ADGRL3: variants seen among roughly 807,000 people sequenced by gnomAD.
ADGRL3 encodes calcium-independent alpha-latrotoxin receptor 3.
In ADGRL3, 62 loss-of-function variants were observed where a neutral mutation model predicts 153.5. The observed-to-expected ratio is 0.40, with a 90% CI of 0.33 to 0.50. ADGRL3 has a LOEUF of 0.50. Among genes scored for constraint, ADGRL3 ranks in the 20% least tolerant of loss-of-function variants. The probability of loss-of-function intolerance (pLI) is 0.47; values close to 1 mark genes in which losing one functional copy is unlikely to be tolerated. For missense variants in ADGRL3, 1,641 were observed against 1,859.4 expected, an observed-to-expected ratio of 0.88 and a Z score of 2.16; for synonymous variants, 710 against 672.5, an observed-to-expected ratio of 1.06 and a Z score of -0.86.
intron 8 of ADGRL3, among the ~76,000 whole-genome samples, chr4:61,781,331 CAAAAA>C (rs71281828): frequency 4.7e-5 from 3 of 64,434 alleles, no homozygotes; most frequent in Admixed American, 1.7e-4. Context: ...ATTCTGCCTC[CAAAAA>C]AAAAAAAAAA....
chr4:61,992,644 A>G (rs1206152481), intron 19 of ADGRL3, among the ~76,000 whole-genome samples: 3 of 152,190 alleles, frequency 2.0e-5, no homozygotes, highest in Non-Finnish European at 4.4e-5. Flanking sequence ...AGTACATTTT[A>G]CGTATTTTAT....
chr4:61,367,485 G>C (rs1218840231), intron 1 of ADGRL3, among the ~76,000 whole-genome samples: 1 of 151,182 alleles, frequency 6.6e-6, no homozygotes, highest in Non-Finnish European at 1.5e-5. Flanking sequence ...AGAATATGCG[G>C]TGTTTGGTTT....
intron 6 of ADGRL3, among the ~76,000 whole-genome samples, chr4:61,710,637 T>C (rs928383308): frequency 1.3e-5 from 2 of 152,192 alleles, no homozygotes; most frequent in African/African-American, 4.8e-5. Flanking sequence ...ACGCTAAACT[T>C]GAGTACATGT....
chr4:61,559,397 C>G (rs2098784344), intron 4 of ADGRL3, among the ~76,000 whole-genome samples: 1 of 151,984 alleles, frequency 6.6e-6, no homozygotes. Context: ...CTTTGCCAGT[C>G]TAAGCTGCTT....
intron 6 of ADGRL3, among the ~76,000 whole-genome samples, chr4:61,696,952 C>G (rs1168750396): frequency 6.6e-6 from 1 of 152,068 alleles, no homozygotes; most frequent in Non-Finnish European, 1.5e-5. Context: ...GCTAAGATTA[C>G]AGGTGTGAGC....
intron 2 of ADGRL3, among the ~76,000 whole-genome samples, chr4:61,436,655 G>T (rs964927370): frequency 6.6e-6 from 1 of 152,124 alleles, no homozygotes; most frequent in Non-Finnish European, 1.5e-5. Flanking sequence ...TTTAGGCAGT[G>T]AGAACATGTT....
chr4:61,575,917 G>A (rs2098875300), intron 4 of ADGRL3, among the ~76,000 whole-genome samples: 1 of 152,002 alleles, frequency 6.6e-6, no homozygotes, highest in African/African-American at 2.4e-5. Context: ...GAGGGAAAAT[G>A]TGTTTTATTA....
At chr4:61,331,437 T>C (rs546994333) in intron 1 of ADGRL3, among the ~76,000 whole-genome samples, 1 of 152,296 alleles carries the variant, frequency 6.6e-6, no homozygotes, top group Non-Finnish European at 1.5e-5. Flanking sequence ...TCAATAAAAT[T>C]TATTTAAAAG....
At chr4:61,725,212 A>G (rs1368034487) in intron 6 of ADGRL3, among the ~76,000 whole-genome samples, 1 of 152,180 alleles carries the variant, frequency 6.6e-6, no homozygotes, top group African/African-American at 2.4e-5. Context: ...TTTCAACTTG[A>G]CCTAAACAAA....
At chr4:62,000,792 T>C (rs965815913) in intron 21 of ADGRL3, among the ~76,000 whole-genome samples, 1 of 151,972 alleles carries the variant, frequency 6.6e-6, no homozygotes, top group African/African-American at 2.4e-5. Context: ...TATTTATTTT[T>C]TTTTCAAGAG....
chr4:61,592,410 A>T (rs17090513), intron 5 of ADGRL3, among the ~76,000 whole-genome samples: 8,457 of 152,240 alleles, frequency 0.056, 731 homozygotes, highest in African/African-American at 0.19. Flanking sequence ...CAGAAACAAT[A>T]CCTCATGTTA....
chr4:61,570,891 T>C lies in ADGRL3; in HGVS notation c.260-16336T>C, dbSNP rs191193208. On this transcript the variant is annotated intron_variant, in intron 4 of 26. Coordinates refer to ENST00000683033, the MANE Select transcript of ADGRL3 (RefSeq NM_001387552.1). ...GTAATTCTCATCATTTCTGAATAAA[T>C]GCATGTTTTCCTACTTCTGTGTTTA... 2.2e-4 allele frequency among the ~76,000 whole-genome samples: 33 copies of C among 152,300 alleles called. 1 individual carries two copies. Among genetic ancestry groups the C allele is most frequent in the African/African-American group, 7.9e-4 (33 of 41,576 alleles).
At position 61,934,946 on chromosome 4, in the gene ADGRL3, C is replaced by A. The variant is rs1326655943; in HGVS notation, c.2219C>A (p.Thr740Asn). ...CGTGCGGCCACCATGTTGCTTCATA[C>A]TGTGGAGGAAAGTGCTTTTGTGCTG... is the stretch of plus-strand genomic sequence containing the variant. ...QLRAATMLLH[T>N]VEESAFVLAD... Residue 740 changes from threonine (T) to asparagine (N), a missense_variant, in exon 14 of 27, where the codon ACT (threonine) becomes AAT (asparagine). Thr to Asn is a moderately conservative substitution (Grantham distance 65). Around this residue, in one of 5 missense-constraint regions of ADGRL3, gnomAD observed 734 missense variants for 797.0 expected, o/e 0.92. Coordinates refer to ENST00000683033, the MANE Select transcript of ADGRL3 (RefSeq NM_001387552.1). The A allele has an allele frequency of 6.2e-7, 1 of 1,613,836 alleles. No individual in the cohort carries two copies. Among genetic ancestry groups the A allele is most frequent in the South Asian group, 1.1e-5 (1 of 91,076 alleles).
chr4:61,219,397 G>A (rs921060875), intron 1 of ADGRL3, among the ~76,000 whole-genome samples: 1 of 152,146 alleles, frequency 6.6e-6, no homozygotes, highest in Non-Finnish European at 1.5e-5. Context: ...TAATATGTTT[G>A]TATTTTAAAT....
chr4:61,761,013 T>C (rs1478111302), intron 8 of ADGRL3, among the ~76,000 whole-genome samples: 1 of 152,200 alleles, frequency 6.6e-6, no homozygotes, highest in Non-Finnish European at 1.5e-5. Flanking sequence ...TCATAGGGAA[T>C]TGAAGCTGTC....
intron 5 of ADGRL3, among the ~76,000 whole-genome samples, chr4:61,629,129 T>C (rs1304605377): frequency 6.6e-6 from 1 of 152,152 alleles, no homozygotes; most frequent in Admixed American, 6.5e-5. Context: ...AGATGGAGAC[T>C]CTTTGGGAAC....
intron 11 of ADGRL3, among the ~76,000 whole-genome samples, chr4:61,897,370 C>T (rs781152444): frequency 4.6e-5 from 7 of 152,124 alleles, no homozygotes; most frequent in Non-Finnish European, 8.8e-5. Context: ...TTTGAGCATT[C>T]TGAATCAGCT....
intron 8 of ADGRL3, among the ~76,000 whole-genome samples, chr4:61,769,334 G>A (rs1386446139): frequency 2.0e-5 from 3 of 152,038 alleles, no homozygotes; most frequent in Non-Finnish European, 4.4e-5. Flanking sequence ...AGATTGAAAG[G>A]AGAAAGAGGT....
chr4:61,590,261 G>A (rs2098964061), intron 5 of ADGRL3, among the ~76,000 whole-genome samples: 1 of 151,942 alleles, frequency 6.6e-6, no homozygotes, highest in African/African-American at 2.4e-5. Flanking sequence ...ACCAACTTTG[G>A]ATATATAAAT....
Sources: allele counts gnomAD v4.1 joint callset (sites outside exome capture counted in the v4.1 genomes callset), GRCh38; gene constraint gnomAD v4.1.1; regional missense constraint gnomAD v4.1.1; transcripts MANE v1.5; gene names NCBI Gene and HGNC (gene_info 2026-07-23, HGNC 2026-07-21).